Variants in CTNND2 observed in about 807,000 individuals in gnomAD.
The protein encoded by CTNND2 is catenin delta-2.
CTNND2 carries 22 observed loss-of-function variants against 144.4 expected under a neutral mutation model. That is an observed-to-expected ratio of 0.15 (90% confidence interval 0.11 to 0.22). The LOEUF (loss-of-function observed/expected upper bound fraction) is 0.22. Ranked by LOEUF, CTNND2 falls within the 10% of genes least tolerant of loss-of-function variation. The probability of loss-of-function intolerance (pLI) is 1.00; values close to 1 mark genes in which losing one functional copy is unlikely to be tolerated. For missense variants in CTNND2, 1,353 were observed against 1,618.8 expected, an observed-to-expected ratio of 0.84 and a Z score of 2.82; for synonymous variants, 751 against 695.6, an observed-to-expected ratio of 1.08 and a Z score of -1.25.
At chr5:11,129,317 T>A (rs1398018705) in intron 12 of CTNND2, among the ~76,000 whole-genome samples, 3 of 107,358 alleles carry the variant, frequency 2.8e-5, no homozygotes, top group East Asian at 4.7e-4. Context: ...TATATAAATA[T>A]ATATAATATA....
chr5:11,144,653 A>G (rs1757072321), intron 12 of CTNND2, among the ~76,000 whole-genome samples: 1 of 152,146 alleles, frequency 6.6e-6, no homozygotes, highest in Non-Finnish European at 1.5e-5. Flanking sequence ...GACAACAGGT[A>G]TCCTTTGAGT....
rs1783883637 is a variant in CTNND2, at chr5:11,671,756, C to T, written c.174+60380G>A. 2.6e-5 allele frequency among the ~76,000 whole-genome samples: 4 copies of T among 151,928 alleles called. 1 individual carries two copies. The South Asian group carries it at 8.3e-4, about 32-fold the overall frequency. On this transcript the variant is annotated intron_variant, in intron 2 of 21. Coordinates refer to ENST00000304623, the MANE Select transcript of CTNND2 (RefSeq NM_001332.4). ...TTAGCTTGGAGGAGTTTGTTATTACCCACCTTCTGAAGCCTACTTCTGTCA... is the reference window on the plus strand; with the variant it reads ...TTAGCTTGGAGGAGTTTGTTATTACTCACCTTCTGAAGCCTACTTCTGTCA...
chr5:11,873,256 A>G (rs917996478), intron 1 of CTNND2, among the ~76,000 whole-genome samples: 31 of 152,356 alleles, frequency 2.0e-4, no homozygotes, highest in African/African-American at 7.2e-4. Flanking sequence ...GGCAGAGCAC[A>G]TTTATGCACA....
At chr5:11,581,123 T>C (rs571931173) in intron 2 of CTNND2, among the ~76,000 whole-genome samples, 1 of 152,342 alleles carries the variant, frequency 6.6e-6, no homozygotes, top group South Asian at 2.1e-4. Flanking sequence ...AGCTGCTTTA[T>C]AGGAAACCTG....
intron 2 of CTNND2, among the ~76,000 whole-genome samples, chr5:11,608,079 C>G (rs1780145492): frequency 6.6e-6 from 1 of 152,100 alleles, no homozygotes. Context: ...TTTTGACCCT[C>G]AAGAGAACCC....
At chr5:11,337,493 A>T (rs2149725413) in intron 9 of CTNND2, among the ~76,000 whole-genome samples, 1 of 152,336 alleles carries the variant, frequency 6.6e-6, no homozygotes, top group South Asian at 2.1e-4. Flanking sequence ...ACAAGGAACA[A>T]TTCCACCTGC....
At chr5:11,673,283 G>A (rs1784004284) in intron 2 of CTNND2, among the ~76,000 whole-genome samples, 1 of 152,116 alleles carries the variant, frequency 6.6e-6, no homozygotes, top group African/African-American at 2.4e-5. Context: ...AGCAATTGCT[G>A]TAGATTTTCA....
intron 2 of CTNND2, among the ~76,000 whole-genome samples, chr5:11,657,056 C>T (rs887897651): frequency 1.3e-5 from 2 of 152,054 alleles, no homozygotes; most frequent in Non-Finnish European, 2.9e-5. Context: ...TGTGTCTCAA[C>T]AGCTTGTAAG....
intron 9 of CTNND2, among the ~76,000 whole-genome samples, chr5:11,255,495 T>G (rs1429850171): frequency 1.3e-5 from 2 of 152,192 alleles, no homozygotes; most frequent in Non-Finnish European, 1.5e-5. Flanking sequence ...AAAAAATACT[T>G]TCTTAGAACT....
intron 3 of CTNND2, among the ~76,000 whole-genome samples, chr5:11,457,332 A>G (rs1765819095): frequency 6.6e-6 from 1 of 152,040 alleles, no homozygotes; most frequent in African/African-American, 2.4e-5. Flanking sequence ...GAGCCCAGGT[A>G]ATCTCAAAAC....
intron 2 of CTNND2, among the ~76,000 whole-genome samples, chr5:11,667,554 T>C (rs971173784): frequency 2.0e-5 from 3 of 152,224 alleles, no homozygotes; most frequent in African/African-American, 7.2e-5. Flanking sequence ...GTTGGCTGCA[T>C]AAAAATCTTC....
At chr5:11,352,940 T>A (rs534751617) in intron 8 of CTNND2, among the ~76,000 whole-genome samples, 47 of 152,300 alleles carry the variant, frequency 3.1e-4, no homozygotes, top group African/African-American at 1.0e-3. Flanking sequence ...TGTTTAATCC[T>A]ACATATGTAT....
chr5:11,360,770 T>C (rs1445448061), intron 8 of CTNND2, among the ~76,000 whole-genome samples: 1 of 152,188 alleles, frequency 6.6e-6, no homozygotes, highest in South Asian at 2.1e-4. Flanking sequence ...TTCAGATGTT[T>C]ATGTCTTTCT....
intron 12 of CTNND2, among the ~76,000 whole-genome samples, chr5:11,119,763 TTTC>T (rs1753895191): frequency 6.6e-6 from 1 of 152,204 alleles, no homozygotes; most frequent in South Asian, 2.1e-4. Flanking sequence ...CAAGTTAGCA[TTTC>T]CAAATAGAAT....
chr5:11,829,189 A>G (rs1272437703), intron 1 of CTNND2, among the ~76,000 whole-genome samples: 3 of 152,216 alleles, frequency 2.0e-5, no homozygotes, highest in Admixed American at 2.0e-4. Context: ...TTTGAAAAAC[A>G]TGCAGCCTGA....
intron 16 of CTNND2, among the ~76,000 whole-genome samples, chr5:11,028,135 T>C (rs1221407812): frequency 6.6e-6 from 1 of 152,218 alleles, no homozygotes; most frequent in Non-Finnish European, 1.5e-5. Flanking sequence ...TGGAGTCCTA[T>C]GTGTAGATGG....
At chr5:11,403,099 A>G in intron 5 of CTNND2, among the ~76,000 whole-genome samples, 1 of 152,166 alleles carries the variant, frequency 6.6e-6, no homozygotes, top group South Asian at 2.1e-4. Context: ...GGTGTGTTAC[A>G]TAGGTATACA....
chr5:11,534,577 C>T (rs1256705372), intron 3 of CTNND2, among the ~76,000 whole-genome samples: 2 of 151,442 alleles, frequency 1.3e-5, no homozygotes, highest in Non-Finnish European at 2.9e-5. Flanking sequence ...TGCACTCCAG[C>T]TTGAACAAGA....
chr5:11,816,041 C>T (rs1332645724), intron 1 of CTNND2, among the ~76,000 whole-genome samples: 1 of 152,144 alleles, frequency 6.6e-6, no homozygotes, highest in African/African-American at 2.4e-5. Flanking sequence ...TGGTATCCAG[C>T]ACAGAACACA....
Sources: allele counts gnomAD v4.1 joint callset (sites outside exome capture counted in the v4.1 genomes callset), GRCh38; gene constraint gnomAD v4.1.1; transcripts MANE v1.5; gene names NCBI Gene and HGNC (gene_info 2026-07-23, HGNC 2026-07-21).